PWWP2A: variants seen among roughly 807,000 people sequenced by gnomAD.
The protein encoded by PWWP2A is PWWP domain containing 2A.
PWWP2A carries 18 observed loss-of-function variants against 48.5 expected under a neutral mutation model. The ratio of observed to expected loss-of-function variants is 0.37; its 90% confidence interval spans 0.26 to 0.55. The LOEUF is 0.55. PWWP2A is among the 20% of genes least tolerant of loss of function. PWWP2A has a pLI of 0.81. For missense variants in PWWP2A, 867 were observed against 976.4 expected (o/e 0.89, Z 1.49); for synonymous variants, 396 against 387.7 (o/e 1.02, Z -0.25).
chr5:160,065,105 G>T, intron 4 of PWWP2A: 2 of 1,596,296 alleles, frequency 1.3e-6, no homozygotes, highest in Non-Finnish European at 1.7e-6. Flanking sequence ...TTGGAATTGT[G>T]TGCTGCTTGC....
At chr5:160,068,078 G>A (rs1437514455) in intron 2 of PWWP2A, among the ~76,000 whole-genome samples, 1 of 152,194 alleles carries the variant, frequency 6.6e-6, no homozygotes, top group Non-Finnish European at 1.5e-5. Context: ...CTACTTGGGA[G>A]GCTAAGGCAG....
downstream of PWWP2A, among the ~76,000 whole-genome samples, chr5:160,089,010 A>G (rs149140364): frequency 2.8e-4 from 43 of 152,306 alleles, no homozygotes; most frequent in East Asian, 8.3e-3. Flanking sequence ...TGATTTTAGT[A>G]TCAGTTCCCT....
At chr5:160,086,630 C>A (rs180709588), downstream of PWWP2A, among the ~76,000 whole-genome samples, 302 of 152,136 alleles carry the variant, frequency 2.0e-3, no homozygotes, top group Non-Finnish European at 3.4e-3. Flanking sequence ...CAGTGGCTCA[C>A]GCCTATAATC....
chr5:160,071,645 G>A (rs1283569665), downstream of PWWP2A, among the ~76,000 whole-genome samples: 1 of 152,104 alleles, frequency 6.6e-6, no homozygotes, highest in Admixed American at 6.5e-5. Flanking sequence ...ATATCTTGAC[G>A]AGCCCTCATC....
Position 160,097,245 on chromosome 5 carries a change from G to C in PWWP2A, c.585-3180C>G, listed in dbSNP as rs575113605. ...CCAGCTACTTGGGAGGCTGAGGTGG[G>C]AGGATTGCTTGAGTCTGGGAGGTCA... is the stretch of plus-strand genomic sequence containing the variant. On this transcript the variant is annotated intron_variant, in intron 1 of 1. Coordinates refer to ENST00000307063, the MANE Select transcript of PWWP2A (RefSeq NM_001130864.2). Among the ~76,000 whole-genome samples, 69 of 151,016 alleles carry C rather than the reference G, an allele frequency of 4.6e-4. 1 individual carries two copies. Among genetic ancestry groups the C allele is most frequent in the Non-Finnish European group, 8.7e-4 (59 of 67,808 alleles).
At chr5:160,070,579 CCTT>C (rs1182885958) in intron 2 of PWWP2A, among the ~76,000 whole-genome samples, 1 of 152,208 alleles carries the variant, frequency 6.6e-6, no homozygotes, top group Non-Finnish European at 1.5e-5. Flanking sequence ...GCCTTTTGCT[CCTT>C]GTCCCATTCC....
downstream of PWWP2A, chr5:160,091,095 G>A: frequency 1.0e-6 from 1 of 984,338 alleles, no homozygotes; most frequent in South Asian, 4.7e-5. Context: ...ATGAGAAATT[G>A]GCAGGAAGGG....
chr5:160,087,352 C>G (rs934479093), downstream of PWWP2A, among the ~76,000 whole-genome samples: 1 of 150,208 alleles, frequency 6.7e-6, no homozygotes, highest in African/African-American at 2.5e-5. Flanking sequence ...TGCATTCCAG[C>G]CTGGGTGACA....
At chr5:160,104,147 A>C (rs1326730442) in intron 1 of PWWP2A, among the ~76,000 whole-genome samples, 1 of 145,158 alleles carries the variant, frequency 6.9e-6, no homozygotes, top group African/African-American at 2.5e-5. Flanking sequence ...AAAAGAAATG[A>C]AAAAAGAAAA....
At chr5:160,068,678 CTCA>C (rs1753673344) in intron 2 of PWWP2A, among the ~76,000 whole-genome samples, 1 of 152,178 alleles carries the variant, frequency 6.6e-6, no homozygotes, top group Admixed American at 6.5e-5. Flanking sequence ...TCTACTCTTT[CTCA>C]TCTGCCTCCT....
In PWWP2A at chr5:160,092,795, TGGA is replaced by T. The variant is rs1282611652; in HGVS notation, c.1852_1854del (p.Ser618del). 9 of 1,551,432 alleles carry T rather than the reference TGGA, an allele frequency of 5.8e-6. No individual in the cohort carries two copies. The highest frequency in any genetic ancestry group is 6.1e-6 in the Non-Finnish European group (7 of 1,146,942). On this transcript the variant is annotated inframe_deletion, in exon 2 of 2. Coordinates refer to ENST00000307063, the MANE Select transcript of PWWP2A (RefSeq NM_001130864.2). ...TTCTCTTCCTTTGAAGAGGAGGAAG[TGGA>T]GGAGGTGGAAGGTGCATGCATACTG...
At chr5:160,109,572 T>A (rs536620851) in intron 1 of PWWP2A, among the ~76,000 whole-genome samples, 254 of 151,430 alleles carry the variant, frequency 1.7e-3, no homozygotes, top group Non-Finnish European at 3.0e-3. Flanking sequence ...AACTTAGGAC[T>A]GTGTTTAAGG....
the PWWP2A span, among the ~76,000 whole-genome samples, chr5:160,056,518 G>T: frequency 6.6e-6 from 1 of 152,134 alleles, no homozygotes; most frequent in Non-Finnish European, 1.5e-5. Flanking sequence ...CAGTTGAAGA[G>T]TTCAAGACCA....
Position 160,083,620 on chromosome 5 carries a change from G to C in PWWP2A, c.1550-2850C>G, listed in dbSNP as rs190545430. Among the ~76,000 whole-genome samples, 214 of 152,210 alleles carry C rather than the reference G, an allele frequency of 1.4e-3. 2 individuals carry two copies. Among genetic ancestry groups the C allele is most frequent in the African/African-American group, 4.9e-3 (203 of 41,532 alleles). ...CATCTTTGTGAAGTTCTCCTAATAG[G>C]ACCTCCACTGCATTGGGCCCTACCA... On this transcript the variant is annotated intron_variant, in intron 2 of 3. Coordinates refer to the PWWP2A transcript ENST00000456329.
At chr5:160,054,776 C>T in the PWWP2A span, among the ~76,000 whole-genome samples, 3 of 152,056 alleles carry the variant, frequency 2.0e-5, no homozygotes, top group East Asian at 1.9e-4. Flanking sequence ...ATGGCAGACA[C>T]GGCCTTTATG....
chr5:160,113,577 A>C lies in PWWP2A; in HGVS notation c.584+5228T>G, dbSNP rs75038732. Among the ~76,000 whole-genome samples the C allele has an allele frequency of 2.8e-4, 43 of 152,342 alleles. No homozygotes were observed. In the East Asian group the frequency reaches 7.1e-3, roughly 25 times the overall value. ...GACTGAAGAAAAGCACAAATACATT[A>C]CACATTTAGTCTCCCAAATGTTAAT... On this transcript the variant is annotated intron_variant, in intron 1 of 1. Transcript: ENST00000307063.
chr5:160,095,695 T>C (rs1346754027), intron 1 of PWWP2A, among the ~76,000 whole-genome samples: 1 of 149,220 alleles, frequency 6.7e-6, no homozygotes, highest in Non-Finnish European at 1.5e-5. Context: ...TCTTTTTTTT[T>C]TTTTTTTTTT....
chr5:160,095,322 C>G (rs1320919908), intron 1 of PWWP2A, among the ~76,000 whole-genome samples: 1 of 152,068 alleles, frequency 6.6e-6, no homozygotes, highest in South Asian at 2.1e-4. Context: ...TTTCTAATAA[C>G]CTTATTTCAT....
rs529125378 is a variant in PWWP2A, at chr5:160,065,760, C to G, written c.*236+788G>C. Among the ~76,000 whole-genome samples, 6 of 152,256 alleles carry G rather than the reference C, an allele frequency of 3.9e-5. No homozygotes were observed. The East Asian group carries it at 1.2e-3, about 29-fold the overall frequency. Reference sequence around the variant, plus strand: ...TCCACCTTACAAGCTATCTTGGGCCCCTCCAGGTTTGTATAGATAATTATA... The same window carrying G: ...TCCACCTTACAAGCTATCTTGGGCCGCTCCAGGTTTGTATAGATAATTATA... On this transcript the variant is annotated intron_variant and NMD_transcript_variant, in intron 4 of 5. Transcript: ENST00000524050.
Sources: allele counts gnomAD v4.1 joint callset (sites outside exome capture counted in the v4.1 genomes callset), GRCh38; gene constraint gnomAD v4.1.1; transcripts MANE v1.5; gene names NCBI Gene and HGNC (gene_info 2026-07-23, HGNC 2026-07-21).